NUP210L: variants seen among roughly 807,000 people sequenced by gnomAD.
NUP210L encodes nucleoporin 210 like, also known as nuclear pore membrane glycoprotein 210-like.
NUP210L carries 74 observed loss-of-function variants against 208.5 expected under a neutral mutation model. That is an observed-to-expected ratio of 0.35 (90% CI 0.29 to 0.43). The LOEUF is 0.43. NUP210L is among the 20% of genes least tolerant of loss of function. The pLI is 1.00. For synonymous variants in NUP210L, 780 were observed against 816.9 expected, an observed-to-expected ratio of 0.95 and a Z score of 0.77; for missense variants, 1,843 against 2,289.4, an observed-to-expected ratio of 0.81 and a Z score of 3.98.
intron 37 of NUP210L, chr1:153,995,504 ACT>A (rs1214363896): frequency 1.7e-6 from 1 of 598,472 alleles, no homozygotes; most frequent in Admixed American, 2.5e-5. Context: ...GAGTAATACA[ACT>A]CTCTAATTCT....
At chr1:154,096,908 C>T (rs995987867) in intron 14 of NUP210L, among the ~76,000 whole-genome samples, 1 of 152,062 alleles carries the variant, frequency 6.6e-6, no homozygotes, top group African/African-American at 2.4e-5. Flanking sequence ...TGGCAAAACC[C>T]CATATCTACT....
Position 154,022,353 on chromosome 1 carries a change from G to A in NUP210L, c.4299-10C>T, listed in dbSNP as rs757260813. ...ATGCAGCAAGTCATCTCTGCAAGTA[G>A]ACATTAAAGGTAGAAATCTTTAAAA... On this transcript the variant is annotated splice_polypyrimidine_tract_variant and intron_variant, in intron 31 of 39. Coordinates refer to ENST00000368559, the Ensembl canonical transcript of NUP210L. 17 of 1,602,598 alleles carry A rather than the reference G, an allele frequency of 1.1e-5. No individual in the cohort carries two copies. Among genetic ancestry groups the A allele is most frequent in the Admixed American group, 8.3e-5 (5 of 59,946 alleles).
chr1:154,050,920 T>C (rs1653453354), intron 25 of NUP210L, among the ~76,000 whole-genome samples: 1 of 152,206 alleles, frequency 6.6e-6, no homozygotes, highest in Non-Finnish European at 1.5e-5. Flanking sequence ...AAAGCAGAGC[T>C]TGTAGCTGTA....
At chr1:153,994,509 A>T (rs1242374923) in intron 38 of NUP210L, among the ~76,000 whole-genome samples, 2 of 149,970 alleles carry the variant, frequency 1.3e-5, no homozygotes, top group African/African-American at 2.5e-5. Flanking sequence ...ATGGAGTTTC[A>T]CCATGTTGGC....
At chr1:154,042,274 T>C (rs898806277) in intron 27 of NUP210L, among the ~76,000 whole-genome samples, 7 of 151,774 alleles carry the variant, frequency 4.6e-5, no homozygotes, top group African/African-American at 1.7e-4. Context: ...TAATCTCATG[T>C]GTGTTTTTTG....
chr1:154,051,253 A>G (rs948821822), intron 25 of NUP210L, among the ~76,000 whole-genome samples: 1 of 152,104 alleles, frequency 6.6e-6, no homozygotes, highest in African/African-American at 2.4e-5. Context: ...TCTGTTGCCC[A>G]GGCTGGAGTG....
exon 6 of NUP210L, chr1:154,138,144 T>G: frequency 1.3e-6 from 2 of 1,520,104 alleles, no homozygotes; most frequent in Non-Finnish European, 1.7e-6. Context: ...AACTTGGTAT[T>G]TAATATATGT....
chr1:154,052,975 A>T (rs771200481), intron 25 of NUP210L, among the ~76,000 whole-genome samples: 1 of 152,242 alleles, frequency 6.6e-6, no homozygotes, highest in African/African-American at 2.4e-5. Flanking sequence ...ATCTGGAAAC[A>T]TGGCAGTGTA....
At chr1:154,016,798 A>G (rs1443009149) in intron 33 of NUP210L, among the ~76,000 whole-genome samples, 1 of 139,546 alleles carries the variant, frequency 7.2e-6, no homozygotes, top group East Asian at 1.9e-4. Context: ...ACAAAACAAA[A>G]CAAAACAAAA....
At chr1:154,136,036 T>C in intron 6 of NUP210L, 64 bp from the exon 7 acceptor site, 1 of 1,102,302 alleles carries the variant, frequency 9.1e-7, no homozygotes. Context: ...AATGATGTAT[T>C]CTTGATCATA....
rs67813355 is a variant in NUP210L, at chr1:154,134,734, C to CAAAAAA, written c.1009+1074_1009+1079dup. Among the ~76,000 whole-genome samples the CAAAAAA allele has an allele frequency of 1.1e-3, 72 of 66,950 alleles. 1 individual carries two copies. The highest frequency in any genetic ancestry group is 1.4e-3 in the East Asian group (3 of 2,074). The allele number at this position is 66,950 out of a possible 152,430, so 43.9% of individuals were successfully genotyped here. A position where few individuals can be genotyped will look rare whatever the true frequency, so the allele number is the denominator to read the frequency against. ...CCTGGGCGACAGCGAGACTCCGTCTCAAAAAAAAAAAAAAAAAAAAGATGG... is the reference window on the plus strand; with the variant it reads ...CCTGGGCGACAGCGAGACTCCGTCTCAAAAAAAAAAAAAAAAAAAAAAAAAAGATGG... On this transcript the variant is annotated intron_variant, in intron 7 of 39. Transcript: ENST00000368559.
At chr1:154,109,340 A>G (rs1055519668) in intron 12 of NUP210L, among the ~76,000 whole-genome samples, 10 of 151,660 alleles carry the variant, frequency 6.6e-5, no homozygotes, top group Non-Finnish European at 1.5e-4. Flanking sequence ...GCAAGAGGAT[A>G]TAACAATCAT....
At chr1:154,152,007 T>C (rs1434280038) in intron 2 of NUP210L, among the ~76,000 whole-genome samples, 2 of 144,724 alleles carry the variant, frequency 1.4e-5, no homozygotes, top group African/African-American at 2.6e-5. Context: ...GGAGAATCGC[T>C]TGAACCTGGG....
exon 40 of NUP210L, chr1:153,992,752 T>A: frequency 1.2e-6 from 1 of 863,880 alleles, no homozygotes; most frequent in South Asian, 1.7e-5. Context: ...GGAAACTTAA[T>A]GTAGAAGTTG....
At position 154,060,656 on chromosome 1, in the gene NUP210L, G is replaced by C; in HGVS notation, c.2749-15C>G. 6.5e-7 allele frequency: 1 copy of C among 1,539,672 alleles called. No individual in the cohort carries two copies. The highest frequency in any genetic ancestry group is 9.0e-7 in the Non-Finnish European group (1 of 1,113,724). On this transcript the variant is annotated splice_polypyrimidine_tract_variant and intron_variant, in intron 19 of 39. Transcript: ENST00000368559. Reference sequence around the variant, plus strand: ...CTAAATGTTTCCTATGGAAAAATCAGACAAACAATATTCTGTTTGCTTCAG... The same window carrying C: ...CTAAATGTTTCCTATGGAAAAATCACACAAACAATATTCTGTTTGCTTCAG...
At chr1:154,073,995 G>A (rs1654911507) in intron 16 of NUP210L, among the ~76,000 whole-genome samples, 1 of 150,196 alleles carries the variant, frequency 6.7e-6, no homozygotes, top group African/African-American at 2.4e-5. Flanking sequence ...TTTGGCACAT[G>A]TTACAAATTG....
intron 27 of NUP210L, among the ~76,000 whole-genome samples, chr1:154,035,452 C>T (rs1382789770): frequency 4.0e-5 from 6 of 150,994 alleles, no homozygotes; most frequent in Non-Finnish European, 8.8e-5. Flanking sequence ...GGCTGGAGTG[C>T]AATGGCGCGA....
chr1:154,125,559 C>T (rs926965843), intron 10 of NUP210L, among the ~76,000 whole-genome samples: 1 of 147,194 alleles, frequency 6.8e-6, no homozygotes, highest in Non-Finnish European at 1.5e-5. Context: ...GAGGTCCAGG[C>T]TGCAGTGAGC....
At chr1:153,995,374 A>G (rs1241751338) in intron 37 of NUP210L, among the ~76,000 whole-genome samples, 194 bp from the exon 38 acceptor site, 2 of 152,192 alleles carry the variant, frequency 1.3e-5, no homozygotes, top group Non-Finnish European at 2.9e-5. Flanking sequence ...GACTAAAAAT[A>G]GTAATAAGAG....
Sources: allele counts gnomAD v4.1 joint callset (sites outside exome capture counted in the v4.1 genomes callset), GRCh38; gene constraint gnomAD v4.1.1; transcripts MANE v1.5; gene names NCBI Gene and HGNC (gene_info 2026-07-23, HGNC 2026-07-21).